KIAA1328: variants seen among roughly 807,000 people sequenced by gnomAD.
KIAA1328 encodes the protein KIAA1328.
In KIAA1328, 52 loss-of-function variants were observed where a neutral mutation model predicts 68.1. That is an observed-to-expected ratio of 0.76 (90% CI 0.61 to 0.96). The LOEUF (loss-of-function observed/expected upper bound fraction) is 0.96, where lower values mean the gene tolerates loss of function less well. KIAA1328 is among the 40% of genes least tolerant of loss of function. The pLI, the probability that KIAA1328 is intolerant of heterozygous loss-of-function variation, is 0.00. For missense variants in KIAA1328, 641 were observed against 677.6 expected (o/e 0.95, Z 0.60); for synonymous variants, 232 against 239.4 (o/e 0.97, Z 0.28).
In KIAA1328 at chr18:37,211,688, T is replaced by C. The variant is rs530279997; in HGVS notation, c.1524-10329T>C. On this transcript the variant is annotated intron_variant, in intron 9 of 9. Transcript: ENST00000280020. ...ATAACTTATCCTAATATGTCAGATCTAATTTTCTATAGTTTGGTGGGTCAT... is the reference window on the plus strand; with the variant it reads ...ATAACTTATCCTAATATGTCAGATCCAATTTTCTATAGTTTGGTGGGTCAT... 3.3e-5 allele frequency among the ~76,000 whole-genome samples: 5 copies of C among 152,378 alleles called. No homozygotes were observed. The East Asian group carries it at 7.7e-4, about 23-fold the overall frequency.
At chr18:36,941,915 G>A (rs2050727135) in intron 5 of KIAA1328, among the ~76,000 whole-genome samples, 1 of 151,842 alleles carries the variant, frequency 6.6e-6, no homozygotes, top group African/African-American at 2.4e-5. Context: ...ATTGTTTAGT[G>A]AAACATTAAG....
chr18:37,104,048 A>C (rs2057701185), intron 7 of KIAA1328, among the ~76,000 whole-genome samples: 1 of 152,218 alleles, frequency 6.6e-6, no homozygotes, highest in South Asian at 2.1e-4. Flanking sequence ...GAGAAAAGGG[A>C]ACTCCCATAC....
At chr18:36,844,992 C>T (rs2046979767) in intron 4 of KIAA1328, among the ~76,000 whole-genome samples, 1 of 151,636 alleles carries the variant, frequency 6.6e-6, no homozygotes, top group South Asian at 2.1e-4. Flanking sequence ...CACTGAATTG[C>T]AAATAAAGAT....
intron 5 of KIAA1328, chr18:36,955,681 A>G (rs2051382147): frequency 6.6e-6 from 1 of 152,124 alleles, no homozygotes; most frequent in African/African-American, 2.4e-5. Flanking sequence ...CAGCACAACA[A>G]GATGTTTCAA....
chr18:37,209,240 A>G (rs560500838), intron 9 of KIAA1328, among the ~76,000 whole-genome samples: 2 of 152,360 alleles, frequency 1.3e-5, no homozygotes, highest in Admixed American at 1.3e-4. Context: ...TGAGCTGTCT[A>G]AAGATTTTTA....
chr18:37,104,148 C>G (rs1421940365), intron 7 of KIAA1328, among the ~76,000 whole-genome samples: 1 of 152,122 alleles, frequency 6.6e-6, no homozygotes, highest in African/African-American at 2.4e-5. Flanking sequence ...ACATTATGAT[C>G]CAGCCATCTC....
At chr18:37,076,044 C>T (rs2056720515) in intron 7 of KIAA1328, among the ~76,000 whole-genome samples, 1 of 152,022 alleles carries the variant, frequency 6.6e-6, no homozygotes, top group African/African-American at 2.4e-5. Flanking sequence ...TTTTCAGCAC[C>T]ACACCACACC....
At chr18:37,093,653 C>T (rs921676039) in intron 7 of KIAA1328, among the ~76,000 whole-genome samples, 1 of 152,140 alleles carries the variant, frequency 6.6e-6, no homozygotes, top group African/African-American at 2.4e-5. Flanking sequence ...TATAGGGCCA[C>T]ATAATGGGAC....
rs565885075 is a variant in KIAA1328, at chr18:37,031,572, G to T, written c.577-35318G>T. The stretch of plus-strand genomic sequence containing the variant: ...CTTTGTCTTTAATAATTAAAGTAGG[G>T]CTTTCATAGATAGTGCATAGTTTGC... On this transcript the variant is annotated intron_variant, in intron 6 of 9. Coordinates refer to ENST00000280020, the MANE Select transcript of KIAA1328 (RefSeq NM_020776.3). Among the ~76,000 whole-genome samples, 136 of 152,088 alleles carry T rather than the reference G, an allele frequency of 8.9e-4. No individual in the cohort carries two copies. The Middle Eastern group carries it at 0.01, about 11-fold the overall frequency.
intron 9 of KIAA1328, among the ~76,000 whole-genome samples, chr18:37,187,656 T>A (rs2059829377): frequency 6.6e-6 from 1 of 152,186 alleles, no homozygotes; most frequent in African/African-American, 2.4e-5. Context: ...GGATTTTTTT[T>A]AATGTTTTAC....
chr18:36,927,107 A>T (rs2050147216), intron 5 of KIAA1328, among the ~76,000 whole-genome samples: 1 of 152,178 alleles, frequency 6.6e-6, no homozygotes, highest in African/African-American at 2.4e-5. Context: ...ACCAGGCTCC[A>T]CCTTCAACAT....
chr18:36,841,122 A>C (rs914822141), intron 3 of KIAA1328, among the ~76,000 whole-genome samples: 2 of 152,018 alleles, frequency 1.3e-5, no homozygotes, highest in African/African-American at 2.4e-5. Context: ...GAAATAGCTC[A>C]GTTCTAGTGT....
At chr18:36,996,492 A>G (rs1289052109) in intron 6 of KIAA1328, among the ~76,000 whole-genome samples, 1 of 152,190 alleles carries the variant, frequency 6.6e-6, no homozygotes, top group Non-Finnish European at 1.5e-5. Context: ...AAAGGGCTCT[A>G]AATTTTAAAA....
intron 7 of KIAA1328, among the ~76,000 whole-genome samples, chr18:37,158,009 G>T (rs1340846680): frequency 1.3e-5 from 2 of 151,636 alleles, no homozygotes; most frequent in African/African-American, 4.8e-5. Context: ...TTCTGCAGGA[G>T]AAATTCCTTT....
intron 7 of KIAA1328, among the ~76,000 whole-genome samples, chr18:37,092,654 A>C (rs951873566): frequency 6.6e-6 from 1 of 152,120 alleles, no homozygotes; most frequent in South Asian, 2.1e-4. Flanking sequence ...GCATAAGGAC[A>C]GACCATTCCT....
intron 9 of KIAA1328, among the ~76,000 whole-genome samples, chr18:37,197,079 T>C (rs989051750): frequency 6.6e-6 from 1 of 152,116 alleles, no homozygotes; most frequent in Non-Finnish European, 1.5e-5. Context: ...CTATAGTCAT[T>C]CATAATTGTT....
intron 6 of KIAA1328, among the ~76,000 whole-genome samples, chr18:37,059,913 A>G (rs1188994336): frequency 2.6e-5 from 4 of 151,892 alleles, no homozygotes; most frequent in Admixed American, 1.3e-4. Context: ...GCTGGAAACC[A>G]TCATTCTCAG....
chr18:36,854,236 T>C (rs1330479945), intron 4 of KIAA1328, among the ~76,000 whole-genome samples: 1 of 152,178 alleles, frequency 6.6e-6, no homozygotes, highest in Non-Finnish European at 1.5e-5. Flanking sequence ...AAGAAACTAA[T>C]CCTGCTGACA....
At chr18:37,030,136 T>A (rs1166661757) in intron 6 of KIAA1328, among the ~76,000 whole-genome samples, 1 of 152,142 alleles carries the variant, frequency 6.6e-6, no homozygotes, top group Non-Finnish European at 1.5e-5. Flanking sequence ...ACATCTTTTA[T>A]TAGATTTTCT....
Sources: allele counts gnomAD v4.1 joint callset (sites outside exome capture counted in the v4.1 genomes callset), GRCh38; gene constraint gnomAD v4.1.1; transcripts MANE v1.5; gene names NCBI Gene and HGNC (gene_info 2026-07-23, HGNC 2026-07-21).